The following MGRN1 variants were observed in gnomAD, a reference collection of about 807,000 sequenced individuals.
The protein encoded by MGRN1 is E3 ubiquitin-protein ligase MGRN1.
Under a neutral mutation model 69.2 loss-of-function variants are expected in MGRN1, and 29 were observed. The observed-to-expected ratio is 0.42, with a 90% confidence interval of 0.31 to 0.57. The LOEUF (loss-of-function observed/expected upper bound fraction) is 0.57, where lower values mean the gene tolerates loss of function less well. MGRN1 is among the 20% of genes least tolerant of loss of function. MGRN1 has a pLI of 0.15. For missense variants in MGRN1, 998 were observed against 796.2 expected (o/e 1.25, Z -3.05); for synonymous variants, 470 against 344.2 (o/e 1.37, Z -4.04).
chr16:4,650,640 G>A (rs2078384338), intron 2 of MGRN1, 157 bp downstream of exon 2: 2 of 587,820 alleles, frequency 3.4e-6, no homozygotes, highest in Admixed American at 3.5e-5. Context: ...GTGTGGGCAC[G>A]TGCCCTGGAA....
intron 2 of MGRN1, among the ~76,000 whole-genome samples, chr16:4,651,633 A>G (rs2078408553): frequency 2.0e-5 from 3 of 151,724 alleles, no homozygotes; most frequent in Admixed American, 1.3e-4. Context: ...GTGGGGACTG[A>G]GGAAGGGGCT....
At chr16:4,682,534 C>T (rs998153835) in intron 13 of MGRN1, among the ~76,000 whole-genome samples, 2 of 152,208 alleles carry the variant, frequency 1.3e-5, no homozygotes, top group African/African-American at 4.8e-5. Context: ...GCTTCTCCTC[C>T]CCAGGAACCA....
chr16:4,672,334 C>T (rs968236861), intron 9 of MGRN1: 2 of 456,548 alleles, frequency 4.4e-6, no homozygotes, highest in Admixed American at 2.3e-5. Context: ...GGCCTGAGAC[C>T]ACCACGCCTG....
intron 4 of MGRN1, among the ~76,000 whole-genome samples, chr16:4,653,428 CCT>C (rs1329649960): frequency 1.3e-5 from 2 of 152,172 alleles, no homozygotes; most frequent in Non-Finnish European, 2.9e-5. Context: ...ATCTCCAGCC[CCT>C]GTCCCCTCCC....
rs781691243 is a variant in MGRN1, at chr16:4,681,599, C to T, written c.1181C>T (p.Ala394Val). 9.3e-6 allele frequency: 15 copies of T among 1,613,432 alleles called. No homozygotes were observed. The highest frequency in any genetic ancestry group is 2.2e-5 in the East Asian group (1 of 44,898). Reference protein sequence around the residue: ...PGYEPISLLEALNGLRAVSPA... With the variant: ...PGYEPISLLEVLNGLRAVSPA... The stretch of plus-strand genomic sequence containing the variant: ...TACGAGCCCATCTCGCTGCTCGAGG[C>T]GCTCAACGGCCTCCGGGCTGTCTCC... Residue 394 changes from alanine to valine, a missense_variant, in exon 13 of 17, where the codon GCG becomes GTG. Ala to Val is a moderately conservative substitution (Grantham distance 64). Transcript: ENST00000262370.
rs762927294 is a variant in MGRN1, at chr16:4,657,314, T to A, written c.512T>A (p.Phe171Tyr). Residue 171 changes from phenylalanine (F) to tyrosine (Y), a missense_variant, in exon 5 of 17, where the codon TTC (phenylalanine) becomes TAC (tyrosine). Phe to Tyr is a conservative substitution (Grantham distance 22, BLOSUM62 3). Coordinates refer to ENST00000262370, the MANE Select transcript of MGRN1 (RefSeq NM_015246.4). Reference protein sequence around the residue: ...VHYKRGVSQQFSLPSFKIDFS... With the variant: ...VHYKRGVSQQYSLPSFKIDFS... Reference sequence around the variant, plus strand: ...TACAAGAGAGGGGTGAGCCAGCAGTTCTCCCTGCCCTCCTTCAAGATTGAC... The same window carrying A: ...TACAAGAGAGGGGTGAGCCAGCAGTACTCCCTGCCCTCCTTCAAGATTGAC... The A allele has an allele frequency of 3.8e-5, 62 of 1,614,156 alleles. No homozygotes were observed. The highest frequency in any genetic ancestry group is 5.3e-5 in the Non-Finnish European group (62 of 1,179,992).
At chr16:4,650,529 C>T (rs753862659) in intron 2 of MGRN1, 46 bp downstream of exon 2, 2 of 1,461,594 alleles carry the variant, frequency 1.4e-6, no homozygotes. Context: ...GGGTGGGAGG[C>T]CCCTGTCCCC....
intron 7 of MGRN1, among the ~76,000 whole-genome samples, chr16:4,667,579 A>G (rs982635336): frequency 1.3e-5 from 2 of 152,218 alleles, no homozygotes; most frequent in Non-Finnish European, 2.9e-5. Flanking sequence ...TTATTTTTGG[A>G]GTCCAACATT....
intron 5 of MGRN1, chr16:4,659,138 G>A (rs1209597958): frequency 1.3e-5 from 2 of 151,580 alleles, no homozygotes; most frequent in African/African-American, 2.4e-5. Context: ...GCCACATAGC[G>A]AGACTCCATT....
chr16:4,640,180 C>A (rs2078126647), intron 1 of MGRN1: 1 of 152,292 alleles, frequency 6.6e-6, no homozygotes, highest in South Asian at 2.1e-4. Context: ...GCAAGAGACA[C>A]AAGACGGGCC....
chr16:4,653,119 T>G (rs1200353578), intron 4 of MGRN1, among the ~76,000 whole-genome samples: 1 of 152,140 alleles, frequency 6.6e-6, no homozygotes, highest in Non-Finnish European at 1.5e-5. Flanking sequence ...ATGCCACTCA[T>G]AAGCCCCCGC....
chr16:4,674,490 T>C (rs1161251547), intron 10 of MGRN1, among the ~76,000 whole-genome samples: 1 of 151,820 alleles, frequency 6.6e-6, no homozygotes, highest in African/African-American at 2.4e-5. Context: ...GGTTTCACCA[T>C]GTTGGTCAGG....
intron 5 of MGRN1, among the ~76,000 whole-genome samples, chr16:4,658,589 G>T (rs968804090): frequency 2.0e-5 from 3 of 151,918 alleles, no homozygotes; most frequent in African/African-American, 7.3e-5. Flanking sequence ...AGGCCAGGAG[G>T]AGACACTGAC....
intron 1 of MGRN1, among the ~76,000 whole-genome samples, chr16:4,643,403 A>ATTT (rs34438924): frequency 9.6e-4 from 105 of 109,820 alleles, no homozygotes; most frequent in African/African-American, 3.1e-3. Flanking sequence ...GCCTTGCTTG[A>ATTT]TTTTTTTTTT....
At chr16:4,639,463 C>T (rs1421520623) in intron 1 of MGRN1, among the ~76,000 whole-genome samples, 2 of 152,146 alleles carry the variant, frequency 1.3e-5, no homozygotes, top group African/African-American at 4.8e-5. Context: ...GGTGCAGCAA[C>T]CTTCACCATT....
In MGRN1 at chr16:4,657,319, C is replaced by G. The variant is rs1279655026; in HGVS notation, c.517C>G (p.Leu173Val). The change falls in exon 5 of 17, where the codon CTG becomes GTG. Residue 173 changes from leucine (L) to valine (V), a missense_variant. Transcript: ENST00000262370. ...YKRGVSQQFS[L>V]PSFKIDFSEW... ...GAGAGGGGTGAGCCAGCAGTTCTCC[C>G]TGCCCTCCTTCAAGATTGACTTCTC... The G allele has an allele frequency of 1.2e-6, 2 of 1,614,044 alleles. No homozygotes were observed. The highest frequency in any genetic ancestry group is 2.2e-5 in the East Asian group (1 of 44,900).
At position 4,650,422 on chromosome 16, in the gene MGRN1, C is replaced by G; in HGVS notation, c.146C>G (p.Pro49Arg). The change falls in exon 2 of 17, where the codon CCT becomes CGT. Residue 49 changes from proline (P) to arginine (R), a missense_variant. Coordinates refer to ENST00000262370, the MANE Select transcript of MGRN1 (RefSeq NM_015246.4). ...MGGEKFDTPH[P>R]EGYLFGENMD... The stretch of plus-strand genomic sequence containing the variant: ...GGAGAGAAATTCGACACCCCCCACC[C>G]TGAAGGTTACCTCTTTGGAGAGAAC... 6.2e-7 allele frequency: 1 copy of G among 1,614,182 alleles called. No homozygotes were observed. The highest frequency in any genetic ancestry group is 8.5e-7 in the Non-Finnish European group (1 of 1,180,000).
Position 4,688,958 on chromosome 16 carries a change from C to T in MGRN1, c.*50C>T, listed in dbSNP as rs553575872. ...GAGCCCTCGGCTCCCCAGACTTTGCCGAGGGGCTGCTCCGGACCCCGTTGT... is the reference window on the plus strand; with the variant it reads ...GAGCCCTCGGCTCCCCAGACTTTGCTGAGGGGCTGCTCCGGACCCCGTTGT... On this transcript the variant is annotated 3_prime_UTR_variant, in exon 17 of 17. Coordinates refer to ENST00000262370, the MANE Select transcript of MGRN1 (RefSeq NM_015246.4). 86 of 1,501,694 alleles carry T rather than the reference C, an allele frequency of 5.7e-5. No homozygotes were observed. Among genetic ancestry groups the T allele is most frequent in the East Asian group, 1.5e-4 (6 of 40,048 alleles). 93.0% of individuals were successfully genotyped at this position (1,501,694 alleles called of 1,614,324 possible). A position where few individuals can be genotyped will look rare whatever the true frequency, so the allele number is the denominator to read the frequency against.
At chr16:4,662,455 G>A (rs1462645085) in intron 5 of MGRN1, among the ~76,000 whole-genome samples, 2 of 151,524 alleles carry the variant, frequency 1.3e-5, no homozygotes, top group Non-Finnish European at 2.9e-5. Context: ...GGTGGAGGTT[G>A]CAGCGAGCCG....
Sources: allele counts gnomAD v4.1 joint callset (sites outside exome capture counted in the v4.1 genomes callset), GRCh38; gene constraint gnomAD v4.1.1; transcripts MANE v1.5; gene names NCBI Gene and HGNC (gene_info 2026-07-23, HGNC 2026-07-21).